The following FRMD4B variants were observed in gnomAD, a reference collection of about 807,000 sequenced individuals.
FRMD4B encodes FERM domain containing 4B, also known as FERM domain-containing protein 4B.
Under a neutral mutation model 141.5 loss-of-function variants are expected in FRMD4B, and 74 were observed. That is an observed-to-expected ratio of 0.52 (90% CI 0.43 to 0.63). The LOEUF is 0.63. Ranked by LOEUF, FRMD4B falls within the 30% of genes least tolerant of loss-of-function variation. The pLI is 0.00. For missense variants in FRMD4B, 1,366 were observed against 1,253.4 expected (o/e 1.09, Z -1.36); for synonymous variants, 506 against 467.9 (o/e 1.08, Z -1.05).
intron 5 of FRMD4B, among the ~76,000 whole-genome samples, chr3:69,265,507 G>C (rs1188729596): frequency 1.5e-5 from 2 of 132,858 alleles, no homozygotes; most frequent in Non-Finnish European, 3.1e-5. Flanking sequence ...GGAGTGCAGT[G>C]GCGCGATCTC....
chr3:69,497,655 T>TA (rs979325862), intron 1 of FRMD4B, among the ~76,000 whole-genome samples: 5 of 152,114 alleles, frequency 3.3e-5, no homozygotes, highest in African/African-American at 1.2e-4. Flanking sequence ...GGGGACATGG[T>TA]AAAACACTTA....
At chr3:69,223,363 A>G (rs550051374) in intron 8 of FRMD4B, among the ~76,000 whole-genome samples, 1 of 152,136 alleles carries the variant, frequency 6.6e-6, no homozygotes, top group South Asian at 2.1e-4. Flanking sequence ...AAGATACAAA[A>G]CATTAGCTGG....
chr3:69,462,476 T>C (rs1014848483), intron 1 of FRMD4B, among the ~76,000 whole-genome samples: 1 of 152,214 alleles, frequency 6.6e-6, no homozygotes, highest in African/African-American at 2.4e-5. Flanking sequence ...AGACAACTTC[T>C]GGGGTAGGCC....
chr3:69,205,034 G>A (rs4465947), intron 11 of FRMD4B, among the ~76,000 whole-genome samples: 138,952 of 145,380 alleles, frequency 0.96, 66,690 homozygotes, highest in East Asian at 1. Flanking sequence ...GAAGAGTGCT[G>A]TATGGGTATC....
At chr3:69,487,339 T>C (rs1414678884) in intron 1 of FRMD4B, among the ~76,000 whole-genome samples, 1 of 152,236 alleles carries the variant, frequency 6.6e-6, no homozygotes. Context: ...ATAAGGCGTG[T>C]AAAGCAAATG....
chr3:69,443,001 G>A (rs1423579357), intron 1 of FRMD4B, among the ~76,000 whole-genome samples: 1 of 152,190 alleles, frequency 6.6e-6, no homozygotes, highest in Non-Finnish European at 1.5e-5. Flanking sequence ...AGCATCTTTT[G>A]TTACTCATAA....
intron 4 of FRMD4B, among the ~76,000 whole-genome samples, chr3:69,294,147 G>T (rs543590527): frequency 6.6e-6 from 1 of 152,180 alleles, no homozygotes; most frequent in Admixed American, 6.5e-5. Flanking sequence ...GAACAATGCT[G>T]AGTTTGTGAC....
chr3:69,366,910 C>A (rs912154377), intron 1 of FRMD4B, among the ~76,000 whole-genome samples: 1 of 152,002 alleles, frequency 6.6e-6, no homozygotes, highest in Non-Finnish European at 1.5e-5. Context: ...GCTAGAACTA[C>A]AGGTGTTGCC....
intron 1 of FRMD4B, among the ~76,000 whole-genome samples, chr3:69,349,407 T>C (rs1703058052): frequency 6.6e-6 from 1 of 152,184 alleles, no homozygotes; most frequent in Non-Finnish European, 1.5e-5. Context: ...CCCAAGGTAA[T>C]TTATAGATTC....
At chr3:69,244,242 C>G (rs2093408384) in intron 7 of FRMD4B, among the ~76,000 whole-genome samples, 1 of 152,078 alleles carries the variant, frequency 6.6e-6, no homozygotes, top group African/African-American at 2.4e-5. Context: ...AGACAGCATG[C>G]AAGAGAGAAT....
chr3:69,291,631 C>A (rs1041021485), intron 4 of FRMD4B, among the ~76,000 whole-genome samples: 3 of 152,136 alleles, frequency 2.0e-5, no homozygotes, highest in Admixed American at 6.6e-5. Context: ...CAGCTTCTCA[C>A]CCTGGAGAAT....
At chr3:69,475,210 T>TTTA (rs1472119088) in intron 1 of FRMD4B, among the ~76,000 whole-genome samples, 1 of 152,232 alleles carries the variant, frequency 6.6e-6, no homozygotes, top group East Asian at 1.9e-4. Context: ...TTTTTTTTCT[T>TTTA]TTATTATTAT....
chr3:69,480,997 C>G lies in FRMD4B; in HGVS notation c.-128-48236G>C, dbSNP rs182559683. On this transcript the variant is annotated intron_variant, in intron 1 of 5. Transcript: ENST00000459638. ...CTAGCAATCAGCGAGACTCCGTGGG[C>G]TTAGGACCCTCCGAGCCATGTGCGG... 2.8e-3 allele frequency among the ~76,000 whole-genome samples: 424 copies of G among 152,302 alleles called. 6 individuals carry two copies. Among genetic ancestry groups the G allele is most frequent in the African/African-American group, 9.9e-3 (411 of 41,560 alleles).
intron 1 of FRMD4B, chr3:69,353,629 G>T: frequency 1.1e-6 from 1 of 915,276 alleles, no homozygotes; most frequent in Non-Finnish European, 1.3e-6. Context: ...CACTTGTGCG[G>T]TGTGTGTGTG....
intron 2 of FRMD4B, among the ~76,000 whole-genome samples, chr3:69,423,508 T>C (rs918024585): frequency 6.6e-6 from 1 of 152,198 alleles, no homozygotes; most frequent in African/African-American, 2.4e-5. Flanking sequence ...GTGCTTTTGG[T>C]TGGTGATTTT....
At chr3:69,237,177 G>GGAGGAAGAGGAA (rs5849889) in intron 7 of FRMD4B, among the ~76,000 whole-genome samples, 3 of 151,320 alleles carry the variant, frequency 2.0e-5, no homozygotes, top group Non-Finnish European at 3.0e-5. Context: ...GAGCACAAGA[G>GGAGGAAGAGGAA]GAGGAAGAGG....
At chr3:69,172,049 T>C in intron 22 of FRMD4B, 68 bp from the exon 23 acceptor site, 1 of 1,485,584 alleles carries the variant, frequency 6.7e-7, no homozygotes, top group East Asian at 2.3e-5. Flanking sequence ...CAAAGACTAC[T>C]ACATTTAAAG....
chr3:69,171,051 A>C lies in FRMD4B; in HGVS notation c.*810T>G, dbSNP rs1038768197. On this transcript the variant is annotated 3_prime_UTR_variant, in exon 23 of 23. Coordinates refer to ENST00000398540, the MANE Select transcript of FRMD4B (RefSeq NM_015123.3). ...ACTTCAAATGACAGCCGAGTTGGAGAATTAACAGCCAGAACAATAGCTCAT... is the reference window on the plus strand; with the variant it reads ...ACTTCAAATGACAGCCGAGTTGGAGCATTAACAGCCAGAACAATAGCTCAT... The C allele has an allele frequency of 6.6e-6, 1 of 152,132 alleles. No individual in the cohort carries two copies. Among genetic ancestry groups the C allele is most frequent in the African/African-American group, 2.4e-5 (1 of 41,430 alleles). 9.4% of individuals were successfully genotyped at this position (152,132 alleles called of 1,614,324 possible). A position where few individuals can be genotyped will look rare whatever the true frequency, so the allele number is the denominator to read the frequency against.
At chr3:69,305,633 A>C (rs1397385915) in intron 3 of FRMD4B, among the ~76,000 whole-genome samples, 1 of 152,220 alleles carries the variant, frequency 6.6e-6, no homozygotes, top group Non-Finnish European at 1.5e-5. Context: ...TCACACCTGT[A>C]ATCTCAGCAT....
Sources: gnomAD v4.1 joint callset for allele counts (sites outside exome capture counted in the v4.1 genomes callset) on GRCh38, gnomAD v4.1.1 for gene constraint, MANE v1.5 for transcripts, NCBI Gene and HGNC (gene_info 2026-07-23, HGNC 2026-07-21) for gene names.